The following AKT3 variants were observed in gnomAD, a reference collection of about 807,000 sequenced individuals.
AKT3 encodes the protein RAC-gamma serine/threonine-protein kinase.
A neutral mutation model predicts 65.3 loss-of-function variants in AKT3; 15 were observed. The observed-to-expected ratio is 0.23, with a 90% confidence interval of 0.15 to 0.35. The LOEUF (loss-of-function observed/expected upper bound fraction) is 0.35, where lower values mean the gene tolerates loss of function less well. Ranked by LOEUF, AKT3 falls within the 10% of genes least tolerant of loss-of-function variation. AKT3 has a pLI of 1.00. For synonymous variants in AKT3, 206 were observed against 183.8 expected (o/e 1.12, Z -0.98); for missense variants, 243 against 576.5 (o/e 0.42, Z 5.92).
chr1:243,711,751 T>C (rs1025600696), intron 2 of AKT3, among the ~76,000 whole-genome samples: 3 of 152,224 alleles, frequency 2.0e-5, no homozygotes, highest in Non-Finnish European at 4.4e-5. Flanking sequence ...TTTCAAAAGA[T>C]GAAGAAATTC....
Position 243,772,341 on chromosome 1 carries a change from A to G in AKT3, c.46+70784T>C, listed in dbSNP as rs548074891. Among the ~76,000 whole-genome samples, 243 of 152,322 alleles carry G rather than the reference A, an allele frequency of 1.6e-3. 1 individual carries two copies. Among genetic ancestry groups the G allele is most frequent in the African/African-American group, 5.6e-3 (233 of 41,584 alleles). On this transcript the variant is annotated intron_variant, in intron 2 of 13. Transcript: ENST00000673466. ...CTACAAAGAACTCAAACAAATTTAC[A>G]AGAAAAAAACAACCCCATCAAAAAA... is the stretch of plus-strand genomic sequence containing the variant.
chr1:243,566,075 A>G (rs1350625424), intron 9 of AKT3, among the ~76,000 whole-genome samples: 2 of 152,310 alleles, frequency 1.3e-5, no homozygotes, highest in South Asian at 2.1e-4. Flanking sequence ...GAAAGTCTTC[A>G]TGGAAACATG....
intron 2 of AKT3, among the ~76,000 whole-genome samples, chr1:243,841,608 G>C (rs1695247140): frequency 6.6e-6 from 1 of 152,126 alleles, no homozygotes; most frequent in Non-Finnish European, 1.5e-5. Flanking sequence ...TGGGCAGTTT[G>C]TTAAACATAT....
chr1:243,587,225 G>C (rs1022755783), intron 8 of AKT3, among the ~76,000 whole-genome samples: 5 of 152,202 alleles, frequency 3.3e-5, no homozygotes, highest in Non-Finnish European at 5.9e-5. Context: ...TGGCTAGTAT[G>C]TAAACAGACA....
At chr1:243,497,677 A>AT (rs1198497148), downstream of AKT3, among the ~76,000 whole-genome samples, 2 of 152,052 alleles carry the variant, frequency 1.3e-5, no homozygotes. Flanking sequence ...TCCGCAACAC[A>AT]TTTTACTTTT....
At chr1:243,679,470 A>G (rs961992925) in intron 3 of AKT3, among the ~76,000 whole-genome samples, 2 of 152,330 alleles carry the variant, frequency 1.3e-5, no homozygotes, top group Non-Finnish European at 2.9e-5. Context: ...ATCTTCATTG[A>G]CATTATATGT....
At chr1:243,505,946 A>G (rs1174214195) in intron 13 of AKT3, among the ~76,000 whole-genome samples, 1 of 152,254 alleles carries the variant, frequency 6.6e-6, no homozygotes, top group African/African-American at 2.4e-5. Context: ...ACAATGGAAG[A>G]GACTTGAAAG....
Position 243,503,111 on chromosome 1 carries a change from AG to A in AKT3, c.*2137del, listed in dbSNP as rs1669425177. 1.3e-5 allele frequency: 3 copies of A among 233,552 alleles called. No individual in the cohort carries two copies. The highest frequency in any genetic ancestry group is 2.2e-5 in the African/African-American group (1 of 45,356). The allele number at this position is 233,552 out of a possible 1,614,324, so 14.5% of individuals were successfully genotyped here. Reference sequence around the variant, plus strand: ...AACATAATTCCAAGTGAAAAAAAAAAGATTAGCTATGTGTGTAAGTAAGAAT... The same window carrying A: ...AACATAATTCCAAGTGAAAAAAAAAAATTAGCTATGTGTGTAAGTAAGAAT... On this transcript the variant is annotated 3_prime_UTR_variant, in exon 14 of 14. Coordinates refer to ENST00000673466, the MANE Select transcript of AKT3 (RefSeq NM_005465.7).
intron 4 of AKT3, 94 bp downstream of exon 4, chr1:243,664,678 T>C (rs963737042): frequency 9.1e-5 from 39 of 427,118 alleles, no homozygotes; most frequent in African/African-American, 7.2e-4. Flanking sequence ...AAAAAATATA[T>C]TTATATATAT....
At chr1:243,582,286 ATTATCACCAGACTGTCCAAGG>A (rs971168985) in intron 8 of AKT3, among the ~76,000 whole-genome samples, 7 of 151,916 alleles carry the variant, frequency 4.6e-5, no homozygotes, top group Admixed American at 4.6e-4. Context: ...CACTAAGGAT[ATTATCACCAGACTGTCCAAGG>A]TCAACACTAA....
intron 2 of AKT3, among the ~76,000 whole-genome samples, chr1:243,765,794 C>T (rs1370470391): frequency 3.3e-5 from 5 of 152,024 alleles, no homozygotes; most frequent in Non-Finnish European, 5.9e-5. Context: ...CTCCTCAGGC[C>T]GAAGTAAACG....
intron 4 of AKT3, among the ~76,000 whole-genome samples, chr1:243,649,357 G>GTGTA (rs1405251441): frequency 1.0e-3 from 151 of 147,956 alleles, no homozygotes; most frequent in African/African-American, 3.3e-3. Flanking sequence ...GTGTGTGTGT[G>GTGTA]TATGTTGGGT....
chr1:243,794,509 AATTTGGAAC>A (rs2148346194), intron 2 of AKT3: 1 of 152,370 alleles, frequency 6.6e-6, no homozygotes, highest in East Asian at 1.9e-4. Flanking sequence ...TTACAAACAA[AATTTGGAAC>A]ATATTCTTAA....
At chr1:243,495,864 G>C (rs1167288639), downstream of AKT3, among the ~76,000 whole-genome samples, 1 of 152,170 alleles carries the variant, frequency 6.6e-6, no homozygotes, top group East Asian at 1.9e-4. Flanking sequence ...CAAACTGGCT[G>C]CCCCTCATCT....
chr1:243,494,882 A>G (rs998702786), downstream of AKT3, among the ~76,000 whole-genome samples: 1 of 151,422 alleles, frequency 6.6e-6, no homozygotes, highest in Non-Finnish European at 1.5e-5. Context: ...TTGCCTTTAA[A>G]AGACTGTAAT....
At chr1:243,657,132 G>C (rs547245214) in intron 4 of AKT3, among the ~76,000 whole-genome samples, 13 of 152,126 alleles carry the variant, frequency 8.5e-5, no homozygotes, top group Non-Finnish European at 1.8e-4. Flanking sequence ...GGTCATGATA[G>C]AACTCATAGA....
chr1:243,838,259 A>G (rs1194274137), intron 2 of AKT3, among the ~76,000 whole-genome samples: 1 of 152,166 alleles, frequency 6.6e-6, no homozygotes, highest in East Asian at 1.9e-4. Flanking sequence ...GAGTTTCAAT[A>G]CCATTAGAAA....
At position 243,615,089 on chromosome 1, in the gene AKT3, C is replaced by T; in HGVS notation, c.627+7G>A. 1 of 1,576,918 alleles carries T rather than the reference C, an allele frequency of 6.3e-7. No individual in the cohort carries two copies. The highest frequency in any genetic ancestry group is 1.7e-5 in the Admixed American group (1 of 58,958). ...ACGATTATAACATCTGTCCTCTAGT[C>T]ACTTACTGTTAAAAAGGGATGTCTA... is the stretch of plus-strand genomic sequence containing the variant. On this transcript the variant is annotated splice_region_variant and intron_variant, in intron 7 of 13. Coordinates refer to ENST00000673466, the MANE Select transcript of AKT3 (RefSeq NM_005465.7).
At chr1:243,569,786 G>T (rs1674423899) in intron 9 of AKT3, among the ~76,000 whole-genome samples, 1 of 152,122 alleles carries the variant, frequency 6.6e-6, no homozygotes, top group Non-Finnish European at 1.5e-5. Context: ...TTCCAATATA[G>T]TTATATTCAC....
Sources: gnomAD v4.1 joint callset for allele counts (sites outside exome capture counted in the v4.1 genomes callset) on GRCh38, gnomAD v4.1.1 for gene constraint, MANE v1.5 for transcripts, NCBI Gene and HGNC (gene_info 2026-07-23, HGNC 2026-07-21) for gene names.